Variants in DCHS2 observed in about 807,000 individuals in gnomAD.
DCHS2 encodes protocadherin-23.
In DCHS2, 142 loss-of-function variants were observed where a neutral mutation model predicts 182.4. The observed-to-expected ratio is 0.78, with a 90% CI of 0.68 to 0.89. The LOEUF (loss-of-function observed/expected upper bound fraction) is 0.89, where lower values mean the gene tolerates loss of function less well. Among genes scored for constraint, DCHS2 ranks in the 40% least tolerant of loss-of-function variants. The pLI, the probability that DCHS2 is intolerant of heterozygous loss-of-function variation, is 0.00. For synonymous variants in DCHS2, 1,740 were observed against 1,663.3 expected (o/e 1.05, Z -1.12); for missense variants, 4,319 against 4,198.6 (o/e 1.03, Z -0.79).
intron 3 of DCHS2, among the ~76,000 whole-genome samples, chr4:154,361,149 A>G (rs936751057): frequency 5.3e-5 from 8 of 152,178 alleles, no homozygotes; most frequent in Admixed American, 1.3e-4. Context: ...AAACCACAAG[A>G]TTTAACCAAT....
At chr4:154,404,711 C>T (rs372856769) in intron 1 of DCHS2, among the ~76,000 whole-genome samples, 5 of 152,144 alleles carry the variant, frequency 3.3e-5, no homozygotes, top group African/African-American at 9.7e-5. Context: ...TAGGTCCATG[C>T]GCATTTGGGT....
At chr4:154,300,169 T>C (rs1454897941) in intron 12 of DCHS2, among the ~76,000 whole-genome samples, 1 of 151,972 alleles carries the variant, frequency 6.6e-6, no homozygotes, top group Non-Finnish European at 1.5e-5. Flanking sequence ...TGGGTGTTTG[T>C]ATGTGGCAAG....
At chr4:154,428,665 G>T (rs939287778) in intron 1 of DCHS2, among the ~76,000 whole-genome samples, 2 of 152,000 alleles carry the variant, frequency 1.3e-5, no homozygotes, top group Non-Finnish European at 2.9e-5. Context: ...CTTTGGAAGG[G>T]CAAGGCGGGT....
chr4:154,232,708 C>T lies in DCHS2; in HGVS notation c.*1828G>A, dbSNP rs187945589. The T allele has an allele frequency of 2.0e-4, 30 of 151,002 alleles. No individual in the cohort carries two copies. The highest frequency in any genetic ancestry group is 3.8e-4 in the Non-Finnish European group (26 of 67,844). The allele number at this position is 151,002 out of a possible 1,614,324, so 9.4% of individuals were successfully genotyped here. A position where few individuals can be genotyped will look rare whatever the true frequency, so the allele number is the denominator to read the frequency against. On this transcript the variant is annotated 3_prime_UTR_variant, in exon 20 of 20. Coordinates refer to ENST00000357232, the MANE Select transcript of DCHS2 (RefSeq NM_001358235.2). ...GAGTCAGAGATAATAAATACTGGAACACATAAATGATTAAATATGTGTGGG... is the reference window on the plus strand; with the variant it reads ...GAGTCAGAGATAATAAATACTGGAATACATAAATGATTAAATATGTGTGGG...
intron 3 of DCHS2, among the ~76,000 whole-genome samples, chr4:154,354,480 T>G (rs1729769694): frequency 6.6e-6 from 1 of 152,216 alleles, no homozygotes; most frequent in African/African-American, 2.4e-5. Flanking sequence ...CAACTCATAT[T>G]CTTGTCCTGT....
chr4:154,257,275 C>T (rs943113560), intron 15 of DCHS2, among the ~76,000 whole-genome samples: 1 of 152,158 alleles, frequency 6.6e-6, no homozygotes, highest in African/African-American at 2.4e-5. Context: ...GAGAGTATCT[C>T]TGGGTGGTCT....
chr4:154,250,164 A>G (rs868867103), intron 16 of DCHS2, among the ~76,000 whole-genome samples: 1 of 152,074 alleles, frequency 6.6e-6, no homozygotes, highest in Non-Finnish European at 1.5e-5. Context: ...CACAACCAAT[A>G]CCTCATGGAT....
intron 1 of DCHS2, among the ~76,000 whole-genome samples, chr4:154,469,859 A>G (rs1735388362): frequency 6.6e-6 from 1 of 152,116 alleles, no homozygotes; most frequent in Admixed American, 6.6e-5. Context: ...CCTACTCTCA[A>G]TAAGAGCACA....
In DCHS2 at chr4:154,236,356, C is replaced by A. The variant is rs199992069; in HGVS notation, c.8296G>T (p.Ala2766Ser). The change falls in exon 20 of 20, where the codon GCA (alanine) becomes TCA (serine). Residue 2766 changes from alanine (A) to serine (S), a missense_variant. Transcript: ENST00000357232. ...AAGCTTGAGAACATAAACTGAGGTGCATGGTCGTTATCATCCAGGACACTG... is the reference window on the plus strand; with the variant it reads ...AAGCTTGAGAACATAAACTGAGGTGAATGGTCGTTATCATCCAGGACACTG... ...FVSVLDDNDH[A>S]PQFMFSSFSC... The A allele has an allele frequency of 3.7e-6, 6 of 1,614,082 alleles. No individual in the cohort carries two copies. Among genetic ancestry groups the A allele is most frequent in the Non-Finnish European group, 4.2e-6 (5 of 1,179,980 alleles).
intron 10 of DCHS2, 83 bp from the exon 11 acceptor site, chr4:154,305,314 A>G (rs1735399028): frequency 1.4e-6 from 2 of 1,443,510 alleles, no homozygotes; most frequent in Non-Finnish European, 9.1e-7. Flanking sequence ...TCCTTTGAAC[A>G]TGTTAGGCCA....
chr4:154,488,738 A>G (rs190257574), intron 1 of DCHS2, among the ~76,000 whole-genome samples: 5,430 of 152,144 alleles, frequency 0.036, 138 homozygotes, highest in South Asian at 0.069. Flanking sequence ...CCCCATCTCC[A>G]CTAAAAAAAT....
intron 3 of DCHS2, among the ~76,000 whole-genome samples, chr4:154,347,373 C>T (rs1017669649): frequency 2.0e-5 from 3 of 151,050 alleles, no homozygotes; most frequent in African/African-American, 7.4e-5. Flanking sequence ...TCAGATACAG[C>T]TGGGTTCAAA....
intron 1 of DCHS2, among the ~76,000 whole-genome samples, chr4:154,472,640 T>C (rs888406531): frequency 2.6e-5 from 4 of 152,148 alleles, no homozygotes; most frequent in African/African-American, 9.7e-5. Context: ...CATTTTATAA[T>C]AGTAATTTTT....
At chr4:154,331,546 G>A (rs1736526050) in intron 5 of DCHS2, 3 of 1,573,022 alleles carry the variant, frequency 1.9e-6, no homozygotes, top group Admixed American at 1.8e-5. Flanking sequence ...CAAGCCATGT[G>A]CCCTGTGAAA....
intron 1 of DCHS2, among the ~76,000 whole-genome samples, chr4:154,410,855 A>G (rs1732601546): frequency 1.3e-5 from 2 of 152,216 alleles, no homozygotes; most frequent in South Asian, 4.1e-4. Flanking sequence ...ATCAAAGACA[A>G]AGAATTTTTA....
chr4:154,329,378 T>A (rs1416867457), intron 6 of DCHS2, 145 bp downstream of exon 6: 1 of 781,796 alleles, frequency 1.3e-6, no homozygotes, highest in Middle Eastern at 3.9e-4. Flanking sequence ...TAAAATAACA[T>A]GTGCACAGTA....
chr4:154,329,449 G>C, intron 6 of DCHS2, 74 bp downstream of exon 6: 9 of 1,422,818 alleles, frequency 6.3e-6, no homozygotes, highest in Non-Finnish European at 8.7e-6. Flanking sequence ...AAATTCACAG[G>C]TTTTACCACA....
At chr4:154,316,072 A>G in intron 9 of DCHS2, 85 bp from the exon 10 acceptor site, 1 of 1,538,666 alleles carries the variant, frequency 6.5e-7, no homozygotes, top group Non-Finnish European at 8.7e-7. Flanking sequence ...TAACTTGTCT[A>G]CCTAATAAAA....
At chr4:154,397,709 A>G (rs952983695) in intron 1 of DCHS2, among the ~76,000 whole-genome samples, 1 of 152,186 alleles carries the variant, frequency 6.6e-6, no homozygotes, top group Non-Finnish European at 1.5e-5. Flanking sequence ...CAAAGAATTG[A>G]CTTTTTACAA....
Sources: allele counts gnomAD v4.1 joint callset (sites outside exome capture counted in the v4.1 genomes callset), GRCh38; gene constraint gnomAD v4.1.1; transcripts MANE v1.5; gene names NCBI Gene and HGNC (gene_info 2026-07-23, HGNC 2026-07-21).